GRM5: variants seen among roughly 807,000 people sequenced by gnomAD.
GRM5 encodes the protein metabotropic glutamate receptor 5.
GRM5 carries 19 observed loss-of-function variants against 83.1 expected under a neutral mutation model. That is an observed-to-expected ratio of 0.23 (90% CI 0.16 to 0.34). The LOEUF (loss-of-function observed/expected upper bound fraction) is 0.34, where lower values mean the gene tolerates loss of function less well. GRM5 is among the 10% of genes least tolerant of loss of function. The pLI is 1.00. For missense variants in GRM5, 1,160 were observed against 1,588.3 expected (o/e 0.73, Z 4.58); for synonymous variants, 675 against 633.6 (o/e 1.07, Z -0.98).
chr11:88,868,751 A>G (rs12422119), intron 2 of GRM5, among the ~76,000 whole-genome samples: 53 of 151,848 alleles, frequency 3.5e-4, no homozygotes, highest in Admixed American at 3.3e-3. Context: ...CCAAAGTAAC[A>G]GCGTCTTAGT....
intron 3 of GRM5, among the ~76,000 whole-genome samples, chr11:88,718,920 T>TTTG (rs1397525451): frequency 6.6e-6 from 1 of 151,948 alleles, no homozygotes; most frequent in East Asian, 1.9e-4. Context: ...TGATTAAATG[T>TTTG]TTGTTTTGTC....
chr11:88,665,164 C>CACACACACACACACACAA (rs1554990151), intron 3 of GRM5, among the ~76,000 whole-genome samples: 1 of 150,782 alleles, frequency 6.6e-6, no homozygotes, highest in African/African-American at 2.4e-5. Context: ...AATTTATTTA[C>CACACACACACACACACAA]ACACACACAC....
intron 3 of GRM5, among the ~76,000 whole-genome samples, chr11:88,668,988 G>C (rs1276323458): frequency 2.0e-5 from 3 of 152,068 alleles, no homozygotes; most frequent in Admixed American, 2.0e-4. Context: ...CAACCACTAT[G>C]GAAAACAGTA....
chr11:88,593,907 C>G (rs1937722536), intron 6 of GRM5, among the ~76,000 whole-genome samples: 1 of 151,626 alleles, frequency 6.6e-6, no homozygotes, highest in Admixed American at 6.6e-5. Context: ...CATTCTCCAG[C>G]CTCAGCCTCC....
At chr11:88,962,546 ATTAAT>A (rs568194641) in intron 2 of GRM5, among the ~76,000 whole-genome samples, 219 of 152,252 alleles carry the variant, frequency 1.4e-3, no homozygotes, top group African/African-American at 4.5e-3. Context: ...TCATTCATTT[ATTAAT>A]TTAATAATTC....
chr11:88,998,453 C>T (rs1191996488), intron 2 of GRM5, among the ~76,000 whole-genome samples: 1 of 152,110 alleles, frequency 6.6e-6, no homozygotes, highest in African/African-American at 2.4e-5. Flanking sequence ...TAAAGAGCAT[C>T]TCCAAAAAAC....
chr11:88,992,641 G>A (rs1940020459), intron 2 of GRM5, among the ~76,000 whole-genome samples: 1 of 151,358 alleles, frequency 6.6e-6, no homozygotes, highest in Non-Finnish European at 1.5e-5. Context: ...TGATAGACTA[G>A]ATTAAGAAAA....
At chr11:89,023,106 A>G (rs1941027508) in intron 2 of GRM5, among the ~76,000 whole-genome samples, 1 of 151,740 alleles carries the variant, frequency 6.6e-6, no homozygotes, top group Non-Finnish European at 1.5e-5. Context: ...ACCCTCCTGT[A>G]CTATTATGGG....
intron 1 of GRM5, 112 bp from the exon 2 acceptor site, chr11:89,048,184 GA>G (rs993796410): frequency 5.2e-5 from 13 of 247,684 alleles, no homozygotes; most frequent in Middle Eastern, 1.4e-3. Context: ...AGATAACGAA[GA>G]AAAAAAATTC....
chr11:88,821,292 G>A (rs888364104), intron 3 of GRM5, among the ~76,000 whole-genome samples: 5 of 136,734 alleles, frequency 3.7e-5, no homozygotes, highest in African/African-American at 5.5e-5. Flanking sequence ...AGGGTTGATC[G>A]TAACTCCCTT....
chr11:88,683,759 A>G (rs1388311923), intron 3 of GRM5, among the ~76,000 whole-genome samples: 3 of 152,258 alleles, frequency 2.0e-5, no homozygotes, highest in Non-Finnish European at 4.4e-5. Flanking sequence ...AAGTGCTAAT[A>G]TGTGTCAAGC....
intron 3 of GRM5, among the ~76,000 whole-genome samples, chr11:88,723,392 G>A (rs561246209): frequency 6.6e-6 from 1 of 152,250 alleles, no homozygotes; most frequent in East Asian, 1.9e-4. Flanking sequence ...CTGGCAAAAT[G>A]CAAAGGGGCA....
chr11:88,551,916 G>A (rs768328451), intron 8 of GRM5, among the ~76,000 whole-genome samples: 2 of 152,136 alleles, frequency 1.3e-5, no homozygotes. Flanking sequence ...GTGACTGGTA[G>A]GAAGATATTT....
In GRM5 at chr11:88,523,791, T is replaced by C. The variant is rs115464604; in HGVS notation, c.2726+1518A>G. ...TGCAATATGAATAGTCCACCAGCAG[T>C]TGTGCAATATGGTGGGCCTTGGAAA... On this transcript the variant is annotated intron_variant, in intron 9 of 9. Coordinates refer to ENST00000305447, the MANE Select transcript of GRM5 (RefSeq NM_001143831.3). Among the ~76,000 whole-genome samples the C allele has an allele frequency of 5.0e-3, 760 of 152,272 alleles. 7 individuals are homozygous for C. Among genetic ancestry groups the C allele is most frequent in the African/African-American group, 0.017 (724 of 41,544 alleles).
At chr11:88,867,552 A>G (rs1236539656) in intron 2 of GRM5, among the ~76,000 whole-genome samples, 1 of 151,758 alleles carries the variant, frequency 6.6e-6, no homozygotes, top group East Asian at 1.9e-4. Context: ...GTCTTATAGA[A>G]AATTCCTATG....
chr11:88,779,257 T>G (rs1019927358), intron 3 of GRM5, among the ~76,000 whole-genome samples: 1 of 152,192 alleles, frequency 6.6e-6, no homozygotes, highest in Non-Finnish European at 1.5e-5. Flanking sequence ...CCTGTAAGGA[T>G]TATTTAGCCT....
chr11:88,658,573 G>A (rs958256061), intron 3 of GRM5, among the ~76,000 whole-genome samples: 3 of 152,152 alleles, frequency 2.0e-5, no homozygotes, highest in African/African-American at 7.2e-5. Context: ...AAGGAGGACA[G>A]ATATAAATAA....
chr11:88,803,498 A>G (rs1943439805), intron 3 of GRM5, among the ~76,000 whole-genome samples: 1 of 152,082 alleles, frequency 6.6e-6, no homozygotes, highest in African/African-American at 2.4e-5. Flanking sequence ...GAAAGCTGAA[A>G]CTGGATCCCT....
At chr11:88,718,334 G>A (rs1413895256) in intron 3 of GRM5, among the ~76,000 whole-genome samples, 6 of 151,862 alleles carry the variant, frequency 4.0e-5, no homozygotes, top group South Asian at 2.1e-4. Flanking sequence ...CTTTTAAAAT[G>A]TATATTTGTA....
Sources: gnomAD v4.1 joint callset for allele counts (sites outside exome capture counted in the v4.1 genomes callset) on GRCh38, gnomAD v4.1.1 for gene constraint, MANE v1.5 for transcripts, NCBI Gene and HGNC (gene_info 2026-07-23, HGNC 2026-07-21) for gene names.